The following COL4A6 variants were observed in gnomAD, a reference collection of about 807,000 sequenced individuals.
COL4A6 encodes the protein collagen type IV alpha 6 chain, also known as collagen alpha-6(IV) chain.
In COL4A6, 59 loss-of-function variants were observed where a neutral mutation model predicts 126.7. The ratio of observed to expected loss-of-function variants is 0.47; its 90% CI spans 0.38 to 0.58. COL4A6 has a LOEUF of 0.58. COL4A6 is among the 20% of genes least tolerant of loss of function. COL4A6 has a pLI of 0.00. For missense variants in COL4A6, 1,285 were observed against 1,337.3 expected, an observed-to-expected ratio of 0.96 and a Z score of 0.61; for synonymous variants, 547 against 496.6, an observed-to-expected ratio of 1.10 and a Z score of -1.35.
chrX:108,378,564 G>T (rs999041881), intron 2 of COL4A6, among the ~76,000 whole-genome samples: 2 of 112,283 alleles, frequency 1.8e-5, no homozygotes, highest in African/African-American at 3.2e-5. Context: ...GATTATATTC[G>T]CCAGCTTCAC....
intron 2 of COL4A6, among the ~76,000 whole-genome samples, chrX:108,431,213 A>G (rs186686642): frequency 1.8e-5 from 2 of 112,218 alleles, no homozygotes; most frequent in African/African-American, 3.2e-5. Flanking sequence ...CTGTTGCTCA[A>G]TAAATATTTG....
intron 2 of COL4A6, among the ~76,000 whole-genome samples, chrX:108,376,242 C>T (rs777737125): frequency 5.4e-5 from 6 of 111,180 alleles, no homozygotes; most frequent in African/African-American, 2.0e-4. Context: ...GATGCCTGTG[C>T]TTTAATAGGC....
intron 2 of COL4A6, among the ~76,000 whole-genome samples, chrX:108,399,218 G>T (rs1444182866): frequency 9.0e-6 from 1 of 111,395 alleles, no homozygotes; most frequent in East Asian, 2.8e-4. Context: ...TAGCAAGGCA[G>T]TAATAGAGAG....
intron 3 of COL4A6, among the ~76,000 whole-genome samples, chrX:108,251,954 C>T (rs970473184): frequency 2.7e-5 from 3 of 111,467 alleles, no homozygotes; most frequent in Admixed American, 9.5e-5. Flanking sequence ...TATCCATCCC[C>T]TTCAACACTT....
rs777215233 is a variant in COL4A6, at chrX:108,161,738, G to A, written c.4217-3C>T. 4.3e-6 allele frequency: 5 copies of A among 1,171,465 alleles called. No individual in the cohort carries two copies. The highest frequency in any genetic ancestry group is 4.7e-6 in the Non-Finnish European group (4 of 860,109). ...GATGCCAGGTAAACCTTTGGAGCCTGCAGGAGAGAAAGCCCAAAGGAGGGT... is the reference window on the plus strand; with the variant it reads ...GATGCCAGGTAAACCTTTGGAGCCTACAGGAGAGAAAGCCCAAAGGAGGGT... On this transcript the variant is annotated splice_polypyrimidine_tract_variant and splice_region_variant and intron_variant, in intron 41 of 44. Transcript: ENST00000334504.
intron 11 of COL4A6, 124 bp downstream of exon 11, chrX:108,205,315 T>C: frequency 3.5e-6 from 2 of 573,931 alleles, no homozygotes. Flanking sequence ...CTATGTGGGT[T>C]GGGAAATATT....
chrX:108,279,703 C>T (rs2037741332), intron 3 of COL4A6, among the ~76,000 whole-genome samples: 5 of 111,591 alleles, frequency 4.5e-5, no homozygotes, highest in Non-Finnish European at 9.4e-5. Context: ...TTTTTCAGCA[C>T]CACACCACAC....
intron 2 of COL4A6, among the ~76,000 whole-genome samples, chrX:108,318,520 G>T: frequency 9.0e-6 from 1 of 111,239 alleles, no homozygotes; most frequent in Non-Finnish European, 1.9e-5. Context: ...AGCAACTTCA[G>T]CAAAGTCTCA....
chrX:108,161,600 T>TTGCAAA lies in COL4A6; in HGVS notation c.4333+18_4333+19insTTTGCA. ...CACCATCCCCGCCCCGCCCGCCTCC[T>TTGCAAA]AATGTGGCATCATCAGACCTTCAAA... On this transcript the variant is annotated intron_variant, in intron 42 of 44. Transcript: ENST00000334504. 3.5e-6 allele frequency: 1 copy of TTGCAAA among 283,643 alleles called. No individual in the cohort carries two copies. Among genetic ancestry groups the TTGCAAA allele is most frequent in the Non-Finnish European group, 6.1e-6 (1 of 163,795 alleles). 23.4% of individuals were successfully genotyped at this position (283,643 alleles called of 1,213,427 possible). A position where few individuals can be genotyped will look rare whatever the true frequency, so the allele number is the denominator to read the frequency against.
At chrX:108,302,993 C>G (rs1279407664) in intron 3 of COL4A6, among the ~76,000 whole-genome samples, 2 of 104,390 alleles carry the variant, frequency 1.9e-5, no homozygotes, top group Non-Finnish European at 3.9e-5. Context: ...TGCATGCCCT[C>G]CCCCCTCCAC....
chrX:108,159,870 C>T, intron 43 of COL4A6, 122 bp from the exon 44 acceptor site: 1 of 743,473 alleles, frequency 1.3e-6, no homozygotes, highest in East Asian at 3.2e-5. Context: ...CCTTCCAATC[C>T]TGTAACATTG....
chrX:108,169,727 C>CA, intron 36 of COL4A6, 107 bp from the exon 37 acceptor site: 1 of 1,022,010 alleles, frequency 9.8e-7, no homozygotes, highest in Non-Finnish European at 1.3e-6. Flanking sequence ...ACACCAGAGG[C>CA]AGAGTACTGA....
At chrX:108,332,849 C>A (rs1285265401) in intron 2 of COL4A6, among the ~76,000 whole-genome samples, 1 of 111,136 alleles carries the variant, frequency 9.0e-6, no homozygotes, top group Non-Finnish European at 1.9e-5. Flanking sequence ...CATTAAGTCA[C>A]ATGTGTCTAT....
intron 2 of COL4A6, among the ~76,000 whole-genome samples, chrX:108,362,550 C>A (rs2040111926): frequency 9.0e-6 from 1 of 111,716 alleles, no homozygotes; most frequent in Non-Finnish European, 1.9e-5. Context: ...GCTCCCAATC[C>A]AAAAATGTCC....
At chrX:108,250,544 C>T (rs1438570410) in intron 3 of COL4A6, among the ~76,000 whole-genome samples, 2 of 110,461 alleles carry the variant, frequency 1.8e-5, no homozygotes, top group Non-Finnish European at 3.8e-5. Flanking sequence ...TGCATAGGCT[C>T]CCCTTCAAAT....
intron 3 of COL4A6, among the ~76,000 whole-genome samples, chrX:108,277,474 C>A (rs1234577439): frequency 8.9e-6 from 1 of 112,614 alleles, no homozygotes; most frequent in Non-Finnish European, 1.9e-5. Context: ...CTTAGGTAAA[C>A]AAAGCAGCCC....
intron 3 of COL4A6, among the ~76,000 whole-genome samples, chrX:108,236,311 C>T (rs982727946): frequency 1.1e-4 from 12 of 111,298 alleles, no homozygotes; most frequent in Admixed American, 2.9e-4. Context: ...AACCAGTCTC[C>T]GGAACCCAAG....
chrX:108,332,563 T>C (rs1028331077), intron 2 of COL4A6, among the ~76,000 whole-genome samples: 8 of 112,205 alleles, frequency 7.1e-5, no homozygotes, highest in Admixed American at 9.4e-5. Flanking sequence ...TAAGAAGGTA[T>C]GTCATTGTGG....
At position 108,245,220 on chromosome X, in the gene COL4A6, A is replaced by G. The variant is rs565026563; in HGVS notation, c.145-23846T>C. Among the ~76,000 whole-genome samples, 3 of 112,475 alleles carry G rather than the reference A, an allele frequency of 2.7e-5. No individual in the cohort carries two copies. In the South Asian group the frequency reaches 1.1e-3, roughly 42 times the overall value. Reference sequence around the variant, plus strand: ...GATAACATTCCCAATGCCTTTATCCAAGAAGTCTTCTTCACCACTCTGCAG... The same window carrying G: ...GATAACATTCCCAATGCCTTTATCCGAGAAGTCTTCTTCACCACTCTGCAG... On this transcript the variant is annotated intron_variant, in intron 3 of 44. Coordinates refer to ENST00000334504, the MANE Select transcript of COL4A6 (RefSeq NM_033641.4).
Sources: allele counts gnomAD v4.1 joint callset (sites outside exome capture counted in the v4.1 genomes callset), GRCh38; gene constraint gnomAD v4.1.1; transcripts MANE v1.5; gene names NCBI Gene and HGNC (gene_info 2026-07-23, HGNC 2026-07-21).